The following KLHL1 variants were observed in gnomAD, a reference collection of about 807,000 sequenced individuals.
The protein encoded by KLHL1 is kelch like family member 1.
A neutral mutation model predicts 77.7 loss-of-function variants in KLHL1; 47 were observed. The ratio of observed to expected loss-of-function variants is 0.60; its 90% CI spans 0.48 to 0.77. The LOEUF is 0.77. Among genes scored for constraint, KLHL1 ranks in the 30% least tolerant of loss-of-function variants. The probability of loss-of-function intolerance (pLI) is 0.00; values close to 1 mark genes in which losing one functional copy is unlikely to be tolerated. For synonymous variants in KLHL1, 360 were observed against 325.2 expected (o/e 1.11, Z -1.15); for missense variants, 925 against 910.8 (o/e 1.02, Z -0.20).
chr13:69,722,580 G>T (rs975227837), intron 8 of KLHL1, among the ~76,000 whole-genome samples: 1 of 151,762 alleles, frequency 6.6e-6, no homozygotes, highest in Non-Finnish European at 1.5e-5. Context: ...TCAGAGAAAT[G>T]CAAATCATAA....
At chr13:69,901,809 T>TC (rs1881875388) in intron 4 of KLHL1, among the ~76,000 whole-genome samples, 1 of 145,194 alleles carries the variant, frequency 6.9e-6, no homozygotes, top group Non-Finnish European at 1.5e-5. Context: ...TTTTTTTTTT[T>TC]TTTCTGAGAC....
chr13:69,752,650 G>T (rs575334994), intron 7 of KLHL1, among the ~76,000 whole-genome samples: 1 of 152,206 alleles, frequency 6.6e-6, no homozygotes, highest in East Asian at 1.9e-4. Context: ...GTGCTGTAGG[G>T]CTTACAAGCT....
At chr13:69,816,841 C>T (rs767269953) in intron 6 of KLHL1, among the ~76,000 whole-genome samples, 40 of 152,094 alleles carry the variant, frequency 2.6e-4, no homozygotes, top group Middle Eastern at 3.4e-3. Context: ...GCCTGCAGTC[C>T]CAGCTATTCG....
chr13:69,937,952 T>C (rs550365918), intron 4 of KLHL1, among the ~76,000 whole-genome samples: 1 of 152,200 alleles, frequency 6.6e-6, no homozygotes, highest in African/African-American at 2.4e-5. Flanking sequence ...GACAAATAAT[T>C]ACAGTCAGGA....
chr13:69,859,985 T>A (rs1880072723), intron 5 of KLHL1, among the ~76,000 whole-genome samples: 1 of 152,078 alleles, frequency 6.6e-6, no homozygotes. Flanking sequence ...CTATTTAGTA[T>A]GATACCATCC....
In KLHL1 at chr13:69,880,073, C is replaced by G. The variant is rs551026151; in HGVS notation, c.1227+2210G>C. On this transcript the variant is annotated intron_variant, in intron 5 of 10. Coordinates refer to ENST00000377844, the MANE Select transcript of KLHL1 (RefSeq NM_020866.3). ...GGTTAGAGAGCAAACAGGGAAATGG[C>G]ACTCATATTGTAGAAATATCTCTGT... 5.9e-5 allele frequency among the ~76,000 whole-genome samples: 9 copies of G among 152,252 alleles called. No individual in the cohort carries two copies. The South Asian group carries it at 1.9e-3, about 32-fold the overall frequency.
At chr13:69,916,421 T>C (rs867704173) in intron 4 of KLHL1, among the ~76,000 whole-genome samples, 1,599 of 152,124 alleles carry the variant, frequency 0.011, 12 homozygotes, top group Middle Eastern at 0.044. Context: ...TAAAAAATGA[T>C]GAGTTCATGT....
At chr13:69,746,927 A>T (rs1032628802) in intron 7 of KLHL1, among the ~76,000 whole-genome samples, 9 of 152,178 alleles carry the variant, frequency 5.9e-5, no homozygotes, top group Admixed American at 5.2e-4. Context: ...CTCCATAAAA[A>T]GGTTAAACTC....
chr13:69,857,012 A>T (rs767653052), intron 5 of KLHL1, among the ~76,000 whole-genome samples: 1 of 152,024 alleles, frequency 6.6e-6, no homozygotes, highest in Non-Finnish European at 1.5e-5. Context: ...TCCCTGAATA[A>T]TACCTTTAAT....
rs777452479 is a variant in KLHL1, at chr13:69,940,098, G to A, written c.956C>T (p.Ala319Val). The A allele has an allele frequency of 3.0e-5, 49 of 1,612,936 alleles. No homozygotes were observed. Among genetic ancestry groups the A allele is most frequent in the African/African-American group, 4.0e-5 (3 of 74,958 alleles). ...AATGCATCCTTGAGCATCTGCGAAG[G>A]CTCGAATTCCTAAACAGTTAGATGG... ...LHPSNCLGIR[A>V]FADAQGCIEL... is the part of the protein sequence containing the mutation. Residue 319 changes from alanine to valine, a missense_variant, in exon 4 of 11, where the codon GCC (alanine) becomes GTC (valine). Ala to Val is a moderately conservative substitution (Grantham distance 64, BLOSUM62 0). Transcript: ENST00000377844.
chr13:70,091,690 TTTTA>T (rs1211951939), intron 1 of KLHL1, among the ~76,000 whole-genome samples: 1 of 152,184 alleles, frequency 6.6e-6, no homozygotes, highest in East Asian at 1.9e-4. Context: ...CCTTTTTCAT[TTTTA>T]TTTATTTTGT....
intron 4 of KLHL1, among the ~76,000 whole-genome samples, chr13:69,893,182 A>T (rs1232970662): frequency 8.1e-6 from 1 of 123,518 alleles, no homozygotes; most frequent in Non-Finnish European, 1.7e-5. Flanking sequence ...TATACTCTAT[A>T]AAAAAATTGG....
chr13:69,923,439 A>T (rs1345061851), intron 4 of KLHL1, among the ~76,000 whole-genome samples: 1 of 152,150 alleles, frequency 6.6e-6, no homozygotes, highest in East Asian at 1.9e-4. Flanking sequence ...GTCTTCTTGA[A>T]ATTGCAGGGA....
intron 4 of KLHL1, among the ~76,000 whole-genome samples, chr13:69,922,853 A>G (rs1290627891): frequency 1.3e-5 from 2 of 152,204 alleles, no homozygotes; most frequent in Non-Finnish European, 2.9e-5. Flanking sequence ...GTTGGGTAGT[A>G]CTTTCATGGA....
intron 4 of KLHL1, among the ~76,000 whole-genome samples, chr13:69,917,301 C>T (rs1487007160): frequency 1.3e-5 from 2 of 151,804 alleles, no homozygotes; most frequent in Non-Finnish European, 2.9e-5. Context: ...AAAACTGAAA[C>T]TAAAATCAAC....
At chr13:69,706,852 G>A (rs1875649318) in intron 10 of KLHL1, among the ~76,000 whole-genome samples, 1 of 150,824 alleles carries the variant, frequency 6.6e-6, no homozygotes, top group African/African-American at 2.5e-5. Context: ...ACTGTAATTA[G>A]TTTGCCCTGG....
At chr13:69,881,702 A>G (rs1880996309) in intron 5 of KLHL1, among the ~76,000 whole-genome samples, 1 of 152,200 alleles carries the variant, frequency 6.6e-6, no homozygotes, top group East Asian at 1.9e-4. Context: ...ACTCATCGAT[A>G]AAGTTAAGTT....
chr13:69,727,239 T>G (rs1873339533), intron 8 of KLHL1, among the ~76,000 whole-genome samples: 1 of 152,164 alleles, frequency 6.6e-6, no homozygotes, highest in Admixed American at 6.6e-5. Flanking sequence ...ACACTATTGT[T>G]CTTAAGTACA....
chr13:69,815,266 C>A (rs957075288), intron 6 of KLHL1, among the ~76,000 whole-genome samples: 3 of 152,140 alleles, frequency 2.0e-5, no homozygotes. Context: ...ATGTTTACTG[C>A]AGCACTATTC....
Sources: allele counts gnomAD v4.1 joint callset (sites outside exome capture counted in the v4.1 genomes callset), GRCh38; gene constraint gnomAD v4.1.1; transcripts MANE v1.5; gene names NCBI Gene and HGNC (gene_info 2026-07-23, HGNC 2026-07-21).